GSDMC: variants seen among roughly 807,000 people sequenced by gnomAD.
The protein encoded by GSDMC is gasdermin-C.
GSDMC carries 59 observed loss-of-function variants against 58.0 expected under a neutral mutation model. The ratio of observed to expected loss-of-function variants is 1.02; its 90% CI spans 0.82 to 1.26. The LOEUF is 1.26. GSDMC is among the 50% of genes most tolerant of loss of function. The probability of loss-of-function intolerance (pLI) is 0.00; values close to 1 mark genes in which losing one functional copy is unlikely to be tolerated. For synonymous variants in GSDMC, 241 were observed against 220.2 expected (o/e 1.09, Z -0.83); for missense variants, 659 against 598.5 (o/e 1.10, Z -1.06).
chr8:129,784,428 G>C (rs2034500120), intron 1 of GSDMC, among the ~76,000 whole-genome samples: 1 of 151,838 alleles, frequency 6.6e-6, no homozygotes, highest in Non-Finnish European at 1.5e-5. Flanking sequence ...TAAAATATGG[G>C]CAAAAGAGTT....
intron 7 of GSDMC, 110 bp from the exon 8 acceptor site, chr8:129,752,257 T>C: frequency 1.2e-6 from 1 of 822,538 alleles, no homozygotes; most frequent in Non-Finnish European, 2.0e-6. Context: ...ATCCTCCCCT[T>C]ATTTCTCACA....
intron 3 of GSDMC, among the ~76,000 whole-genome samples, chr8:129,768,975 A>G (rs1332393736): frequency 5.3e-5 from 8 of 152,142 alleles, no homozygotes; most frequent in Non-Finnish European, 8.8e-5. Context: ...CTACTCAGGA[A>G]GCTGAGGTGG....
At chr8:129,765,291 A>G (rs2033815898) in intron 4 of GSDMC, among the ~76,000 whole-genome samples, 1 of 152,040 alleles carries the variant, frequency 6.6e-6, no homozygotes, top group Non-Finnish European at 1.5e-5. Flanking sequence ...TCTTCCAGCC[A>G]TAAAACTAGA....
In GSDMC at chr8:129,748,327, A is replaced by T; in HGVS notation, c.*174T>A. 3.7e-6 allele frequency: 2 copies of T among 547,168 alleles called. No homozygotes were observed. Among genetic ancestry groups the T allele is most frequent in the South Asian group, 7.5e-5 (2 of 26,790 alleles). 33.9% of individuals were successfully genotyped at this position (547,168 alleles called of 1,614,324 possible). ...TGTCAATATATAAACTCTTGTCAAT[A>T]TATAGAGTATTCCACCACCCCAAAA... On this transcript the variant is annotated 3_prime_UTR_variant, in exon 14 of 14. Transcript: ENST00000276708.
At chr8:129,772,852 A>C (rs1586610462) in intron 3 of GSDMC, among the ~76,000 whole-genome samples, 1 of 152,242 alleles carries the variant, frequency 6.6e-6, no homozygotes, top group South Asian at 2.1e-4. Context: ...ATAAACATAG[A>C]TGCACAAGTC....
At chr8:129,783,248 G>A (rs1196747209) in intron 1 of GSDMC, among the ~76,000 whole-genome samples, 1 of 148,290 alleles carries the variant, frequency 6.7e-6, no homozygotes, top group African/African-American at 2.4e-5. Context: ...TCACTCAATG[G>A]GGGAAAAGAG....
chr8:129,763,000 TC>T (rs1289766221), intron 4 of GSDMC, among the ~76,000 whole-genome samples: 1 of 152,220 alleles, frequency 6.6e-6, no homozygotes, highest in East Asian at 1.9e-4. Flanking sequence ...GAATTCGTTT[TC>T]CTTCTCTTTC....
chr8:129,751,489 A>G (rs2033187890), intron 10 of GSDMC, 53 bp downstream of exon 10: 6 of 1,500,704 alleles, frequency 4.0e-6, no homozygotes. Context: ...TTGGGTGCTC[A>G]GACTTGCAGC....
the GSDMC span, among the ~76,000 whole-genome samples, chr8:129,741,538 G>T: frequency 6.6e-6 from 1 of 151,920 alleles, no homozygotes; most frequent in Non-Finnish European, 1.5e-5. Context: ...AATCATCAGG[G>T]AAATATTCTA....
Position 129,776,170 on chromosome 8 carries a change from G to A in GSDMC, c.336C>T (p.Asp112=). 6.2e-7 allele frequency: 1 copy of A among 1,613,848 alleles called. No homozygotes were observed. Among genetic ancestry groups the A allele is most frequent in the Non-Finnish European group, 8.5e-7 (1 of 1,179,810 alleles). ...EVSVSGEASV[D]HGCSLEFQIV... ...TTTGAAACTCGAGGGAGCATCCATG[G>A]TCCACAGAGGCCTCCCCTGACACAC... Residue 112 remains aspartate, a synonymous_variant, in exon 3 of 14, where the codon GAC becomes GAT. Transcript: ENST00000276708.
the GSDMC span, among the ~76,000 whole-genome samples, chr8:129,719,988 A>G: frequency 2.0e-5 from 3 of 152,174 alleles, no homozygotes; most frequent in Non-Finnish European, 2.9e-5. Flanking sequence ...TAACTACTCC[A>G]ATAACAAGTG....
At chr8:129,765,056 A>G (rs566648274) in intron 4 of GSDMC, among the ~76,000 whole-genome samples, 5 of 152,232 alleles carry the variant, frequency 3.3e-5, no homozygotes, top group Non-Finnish European at 5.9e-5. Context: ...AGCACATTAT[A>G]ACACATATAA....
downstream of GSDMC, among the ~76,000 whole-genome samples, chr8:129,745,873 G>A (rs2130298827): frequency 6.6e-6 from 1 of 151,778 alleles, no homozygotes; most frequent in Non-Finnish European, 1.5e-5. Context: ...AGACTGCCCA[G>A]ACCCCCAGGT....
chr8:129,784,487 G>C (rs923488474), intron 1 of GSDMC, among the ~76,000 whole-genome samples: 5 of 152,132 alleles, frequency 3.3e-5, no homozygotes, highest in African/African-American at 4.8e-5. Flanking sequence ...AAAGGCATAT[G>C]AAAAGGTCCT....
downstream of GSDMC, among the ~76,000 whole-genome samples, chr8:129,743,715 G>C (rs941029476): frequency 2.0e-5 from 3 of 152,166 alleles, no homozygotes; most frequent in Non-Finnish European, 4.4e-5. Context: ...CTGGCAACTA[G>C]TTATATGCAG....
intron 5 of GSDMC, among the ~76,000 whole-genome samples, chr8:129,761,669 G>A (rs28706965): frequency 0.14 from 21,292 of 152,064 alleles, 1,551 homozygotes; most frequent in South Asian, 0.22. Flanking sequence ...CTTTGATAGT[G>A]CCACCATCTC....
intron 3 of GSDMC, 49 bp downstream of exon 3, chr8:129,776,053 A>AC: frequency 7.2e-7 from 1 of 1,390,274 alleles, no homozygotes; most frequent in Non-Finnish European, 9.9e-7. Flanking sequence ...CAAGGAAAAC[A>AC]CCCCCTGGGA....
At chr8:129,771,548 A>G (rs910480904) in intron 3 of GSDMC, among the ~76,000 whole-genome samples, 3 of 152,266 alleles carry the variant, frequency 2.0e-5, no homozygotes, top group Non-Finnish European at 4.4e-5. Flanking sequence ...TGGAAATTAA[A>G]TTGAACAACC....
chr8:129,751,504 A>C, intron 10 of GSDMC, 38 bp downstream of exon 10: 1 of 1,583,244 alleles, frequency 6.3e-7, no homozygotes, highest in Non-Finnish European at 8.6e-7. Context: ...TGCAGCTCCC[A>C]CCCAGAAGCC....
Sources: gnomAD v4.1 joint callset for allele counts (sites outside exome capture counted in the v4.1 genomes callset) on GRCh38, gnomAD v4.1.1 for gene constraint, MANE v1.5 for transcripts, NCBI Gene and HGNC (gene_info 2026-07-23, HGNC 2026-07-21) for gene names.